RPS6KA2: variants seen among roughly 807,000 people sequenced by gnomAD.
RPS6KA2 encodes the protein ribosomal protein S6 kinase A2, also known as ribosomal protein S6 kinase alpha-2.
In RPS6KA2, 42 loss-of-function variants were observed where a neutral mutation model predicts 91.8. The ratio of observed to expected loss-of-function variants is 0.46; its 90% CI spans 0.36 to 0.59. The LOEUF (loss-of-function observed/expected upper bound fraction) is 0.59, where lower values mean the gene tolerates loss of function less well. Ranked by LOEUF, RPS6KA2 falls within the 20% of genes least tolerant of loss-of-function variation. The probability of loss-of-function intolerance (pLI) is 0.00; values close to 1 mark genes in which losing one functional copy is unlikely to be tolerated. For synonymous variants in RPS6KA2, 414 were observed against 393.6 expected, an observed-to-expected ratio of 1.05 and a Z score of -0.61; for missense variants, 798 against 978.5, an observed-to-expected ratio of 0.82 and a Z score of 2.46.
chr6:166,810,362 G>A (rs1174501692), intron 2 of RPS6KA2, among the ~76,000 whole-genome samples: 3 of 152,176 alleles, frequency 2.0e-5, no homozygotes, highest in Admixed American at 1.3e-4. Context: ...ACAGACTCGG[G>A]AGTGCAAAGT....
chr6:166,728,380 G>A (rs975099945), intron 2 of RPS6KA2, among the ~76,000 whole-genome samples: 4 of 152,208 alleles, frequency 2.6e-5, no homozygotes, highest in Admixed American at 1.3e-4. Flanking sequence ...CCGGGGTCTC[G>A]TGAGCTTCCA....
Position 166,741,363 on chromosome 6 carries a change from A to G in RPS6KA2, c.123+116837T>C, listed in dbSNP as rs551246884. Among the ~76,000 whole-genome samples the G allele has an allele frequency of 3.9e-5, 6 of 152,342 alleles. No homozygotes were observed. The East Asian group carries it at 1.2e-3, about 29-fold the overall frequency. On this transcript the variant is annotated intron_variant, in intron 2 of 21. Transcript: ENST00000503859. Reference sequence around the variant, plus strand: ...TTTATCTTAACATGATCTGAGGCACATGGTCTAAATGTGATTCTGGCTCGC... The same window carrying G: ...TTTATCTTAACATGATCTGAGGCACGTGGTCTAAATGTGATTCTGGCTCGC...
intron 2 of RPS6KA2, among the ~76,000 whole-genome samples, chr6:166,728,427 G>A (rs1168974275): frequency 6.6e-6 from 1 of 152,144 alleles, no homozygotes; most frequent in African/African-American, 2.4e-5. Context: ...CGTTGCAGTG[G>A]ATAAAAAAGA....
intron 14 of RPS6KA2, among the ~76,000 whole-genome samples, chr6:166,444,313 C>T (rs988955422): frequency 2.0e-5 from 3 of 152,144 alleles, no homozygotes; most frequent in African/African-American, 7.2e-5. Flanking sequence ...CCCTAATGTG[C>T]GGACAGCAAT....
rs1464980578 is a variant in RPS6KA2 at position 166,662,858 on chromosome 6, G to A, written c.124-124074C>T. Among the ~76,000 whole-genome samples the A allele has an allele frequency of 2.6e-5, 4 of 152,082 alleles. No individual in the cohort carries two copies. The highest frequency in any genetic ancestry group is 6.5e-5 in the Admixed American group (1 of 15,276). On this transcript the variant is annotated intron_variant, in intron 2 of 21. Coordinates refer to the RPS6KA2 transcript ENST00000503859. The surrounding 1 kb of genome is among the most constrained non-coding windows in gnomAD (Gnocchi z 4.3). ...GAGGCCTCGGAGTGGGTGCTTATCCGCTCTGACTGCTGTCCTTAGAAGAAG... is the reference window on the plus strand; with the variant it reads ...GAGGCCTCGGAGTGGGTGCTTATCCACTCTGACTGCTGTCCTTAGAAGAAG...
rs1394536841 is a variant in RPS6KA2, at chr6:166,648,196, A to G, written c.124-109412T>C. ...TGCTCACACACATGCACACATGCTC[A>G]TACACACACTCATGCACACACACGC... On this transcript the variant is annotated intron_variant, in intron 2 of 21. Transcript: ENST00000503859. This position sits in a 1 kb window ranked among gnomAD's most constrained non-coding sequence, Gnocchi z 4.8. Among the ~76,000 whole-genome samples, 1 of 73,132 alleles carries G rather than the reference A, an allele frequency of 1.4e-5. No homozygotes were observed. The highest frequency in any genetic ancestry group is 2.8e-5 in the Non-Finnish European group (1 of 36,058). The allele number at this position is 73,132 out of a possible 152,430, so 48.0% of individuals were successfully genotyped here. A position where few individuals can be genotyped will look rare whatever the true frequency, so the allele number is the denominator to read the frequency against.
At chr6:166,789,587 G>A (rs1189373263) in intron 2 of RPS6KA2, among the ~76,000 whole-genome samples, 10 of 152,210 alleles carry the variant, frequency 6.6e-5, no homozygotes, top group Admixed American at 1.3e-4. Context: ...CCTGACCCCC[G>A]AGCAGCTTAA....
At chr6:166,605,000 T>C (rs1785893507) in intron 1 of RPS6KA2, among the ~76,000 whole-genome samples, 1 of 152,062 alleles carries the variant, frequency 6.6e-6, no homozygotes, top group Admixed American at 6.6e-5. Context: ...TTTTAAAATA[T>C]CATGCTTCCC....
chr6:166,646,611 T>C (rs1787610787), intron 2 of RPS6KA2, among the ~76,000 whole-genome samples: 1 of 152,212 alleles, frequency 6.6e-6, no homozygotes, highest in Non-Finnish European at 1.5e-5. Flanking sequence ...GTCACCCGCG[T>C]CCCAGCCTGG....
intron 12 of RPS6KA2, among the ~76,000 whole-genome samples, chr6:166,452,372 A>C (rs909372440): frequency 6.6e-6 from 1 of 152,216 alleles, no homozygotes; most frequent in Non-Finnish European, 1.5e-5. Context: ...AGAAGAATTA[A>C]TATCATCAAA....
upstream of RPS6KA2, among the ~76,000 whole-genome samples, chr6:166,628,451 G>A (rs764642584): frequency 3.3e-5 from 5 of 152,232 alleles, no homozygotes; most frequent in Non-Finnish European, 7.3e-5. Context: ...CAAAATCCTC[G>A]CGTTGTTTTG....
chr6:166,498,726 C>A (rs563668016), intron 7 of RPS6KA2, 76 bp from the exon 8 acceptor site: 234 of 1,568,698 alleles, frequency 1.5e-4, no homozygotes, highest in Non-Finnish European at 1.9e-4. Flanking sequence ...CGGGCATCAG[C>A]GTCCTTCTGT....
chr6:166,528,929 T>C (rs1399234781), intron 3 of RPS6KA2, among the ~76,000 whole-genome samples: 1 of 152,208 alleles, frequency 6.6e-6, no homozygotes, highest in Non-Finnish European at 1.5e-5. Context: ...CAACAGGTGC[T>C]GGAGAGGATG....
intron 11 of RPS6KA2, among the ~76,000 whole-genome samples, chr6:166,465,582 G>T (rs1046566715): frequency 6.6e-6 from 1 of 152,224 alleles, no homozygotes; most frequent in Non-Finnish European, 1.5e-5. Context: ...AGTTTACGCG[G>T]TGTCCTGAAC....
intron 3 of RPS6KA2, among the ~76,000 whole-genome samples, chr6:166,515,635 C>T (rs746677414): frequency 1.6e-5 from 2 of 121,648 alleles, no homozygotes; most frequent in Non-Finnish European, 3.0e-5. Context: ...GTATCTACTA[C>T]CCTGGCTCTG....
At chr6:166,695,710 C>CACAGGAGCA (rs1373724796) in intron 2 of RPS6KA2, among the ~76,000 whole-genome samples, 16 of 151,968 alleles carry the variant, frequency 1.1e-4, no homozygotes, top group Non-Finnish European at 1.5e-4. Flanking sequence ...ACTGGATTCT[C>CACAGGAGCA]CTAGGAGCAC....
At chr6:166,638,931 T>C (rs1157268269) in intron 2 of RPS6KA2, among the ~76,000 whole-genome samples, 1 of 152,146 alleles carries the variant, frequency 6.6e-6, no homozygotes, top group Non-Finnish European at 1.5e-5. Context: ...AAAGTCTATT[T>C]TTAAAAATGT....
At chr6:166,705,605 G>T (rs929754183) in intron 2 of RPS6KA2, among the ~76,000 whole-genome samples, 1 of 152,150 alleles carries the variant, frequency 6.6e-6, no homozygotes, top group Non-Finnish European at 1.5e-5. Flanking sequence ...AAAGAAGAAA[G>T]AAGCAAGAAG....
In RPS6KA2 at chr6:166,797,774, T is replaced by C. The variant is rs1200148987; in HGVS notation, c.123+60426A>G. On this transcript the variant is annotated intron_variant, in intron 2 of 21. Coordinates refer to the RPS6KA2 transcript ENST00000503859. ...TGTGTTGTTCAAGGTTCAATGGCAATTAGTTTTTATTAGAAAAAATATATC... is the reference window on the plus strand; with the variant it reads ...TGTGTTGTTCAAGGTTCAATGGCAACTAGTTTTTATTAGAAAAAATATATC... 3.3e-5 allele frequency among the ~76,000 whole-genome samples: 5 copies of C among 152,050 alleles called. No homozygotes were observed. In the East Asian group the frequency reaches 9.6e-4, roughly 29 times the overall value.
Sources: gnomAD v4.1 joint callset for allele counts (sites outside exome capture counted in the v4.1 genomes callset) on GRCh38, gnomAD v4.1.1 for gene constraint, Gnocchi (gnomAD v3.1) non-coding constraint, MANE v1.5 for transcripts, NCBI Gene and HGNC (gene_info 2026-07-23, HGNC 2026-07-21) for gene names.